Variants in GOLPH3 observed in about 807,000 individuals in gnomAD.
GOLPH3 encodes the protein coat protein GPP34.
In GOLPH3, 14 loss-of-function variants were observed where a neutral mutation model predicts 28.5. The ratio of observed to expected loss-of-function variants is 0.49; its 90% CI spans 0.32 to 0.77. The LOEUF is 0.77. Among genes scored for constraint, GOLPH3 ranks in the 30% least tolerant of loss-of-function variants. The probability of loss-of-function intolerance (pLI) is 0.03; values close to 1 mark genes in which losing one functional copy is unlikely to be tolerated. For missense variants in GOLPH3, 350 were observed against 393.7 expected, an observed-to-expected ratio of 0.89 and a Z score of 0.94; for synonymous variants, 158 against 159.2, an observed-to-expected ratio of 0.99 and a Z score of 0.06.
At chr5:32,151,712 G>GA (rs1554048897) in intron 1 of GOLPH3, among the ~76,000 whole-genome samples, 1 of 152,106 alleles carries the variant, frequency 6.6e-6, no homozygotes, top group Non-Finnish European at 1.5e-5. Flanking sequence ...TACAAACCAT[G>GA]AATTTGGATA....
intron 1 of GOLPH3, among the ~76,000 whole-genome samples, chr5:32,162,124 AT>A (rs983255058): frequency 6.6e-6 from 1 of 151,494 alleles, no homozygotes; most frequent in African/African-American, 2.5e-5. Flanking sequence ...TTTGCCAGGA[AT>A]TACAAAAAGG....
intron 1 of GOLPH3, among the ~76,000 whole-genome samples, chr5:32,155,910 T>C (rs568149232): frequency 2.6e-5 from 3 of 115,826 alleles, no homozygotes; most frequent in South Asian, 3.1e-4. Flanking sequence ...TGAACCAACA[T>C]TGAGCCACTG....
At chr5:32,168,173 T>C (rs1018244268) in intron 1 of GOLPH3, among the ~76,000 whole-genome samples, 5 of 152,240 alleles carry the variant, frequency 3.3e-5, no homozygotes, top group African/African-American at 1.2e-4. Context: ...TCAGCACATC[T>C]GGAAATTCTG....
intron 1 of GOLPH3, among the ~76,000 whole-genome samples, chr5:32,169,952 G>C (rs1746794562): frequency 6.7e-6 from 1 of 149,824 alleles, no homozygotes; most frequent in African/African-American, 2.5e-5. Flanking sequence ...AATCTGAAAT[G>C]TGTAAAGAAA....
chr5:32,170,466 C>T (rs1360594507), intron 1 of GOLPH3, among the ~76,000 whole-genome samples: 1 of 152,162 alleles, frequency 6.6e-6, no homozygotes, highest in Non-Finnish European at 1.5e-5. Flanking sequence ...AGAATCCAGA[C>T]ATTAAAAAGA....
intron 1 of GOLPH3, among the ~76,000 whole-genome samples, chr5:32,168,017 TA>T (rs1746753476): frequency 6.6e-6 from 1 of 152,308 alleles, no homozygotes; most frequent in South Asian, 2.1e-4. Flanking sequence ...AGATCCTGTA[TA>T]TCTCATACCT....
intron 2 of GOLPH3, among the ~76,000 whole-genome samples, chr5:32,138,507 G>C (rs1042094362): frequency 6.6e-6 from 1 of 151,704 alleles, no homozygotes; most frequent in Non-Finnish European, 1.5e-5. Flanking sequence ...TTTAGCATTA[G>C]GTATATCTCC....
At chr5:32,172,648 T>C (rs914820593) in intron 1 of GOLPH3, among the ~76,000 whole-genome samples, 2 of 151,854 alleles carry the variant, frequency 1.3e-5, no homozygotes, top group African/African-American at 4.8e-5. Flanking sequence ...TGAGTGGAGA[T>C]CGCGCCACTG....
At chr5:32,166,018 C>T (rs941368752) in intron 1 of GOLPH3, among the ~76,000 whole-genome samples, 2 of 152,182 alleles carry the variant, frequency 1.3e-5, no homozygotes, top group African/African-American at 4.8e-5. Flanking sequence ...AATTTTTAAC[C>T]TTCCTGATTC....
chr5:32,149,243 C>T (rs1189221162), intron 1 of GOLPH3, among the ~76,000 whole-genome samples: 4 of 152,200 alleles, frequency 2.6e-5, no homozygotes, highest in Admixed American at 1.3e-4. Context: ...CCAAGACATA[C>T]AGAGACAGAG....
At chr5:32,153,830 G>T (rs1395343919) in intron 1 of GOLPH3, among the ~76,000 whole-genome samples, 1 of 152,142 alleles carries the variant, frequency 6.6e-6, no homozygotes, top group Admixed American at 6.6e-5. Flanking sequence ...CCTACAAGCA[G>T]TAACAACTCA....
In GOLPH3 at chr5:32,173,792, A is replaced by C. The variant is rs1746908513; in HGVS notation, c.225+18T>G. ...GGCCCCGCGCCGCCGCCCCCCGCCCAGCCCGCCGCGCCCGCACCTCGCGGT... is the reference window on the plus strand; with the variant it reads ...GGCCCCGCGCCGCCGCCCCCCGCCCCGCCCGCCGCGCCCGCACCTCGCGGT... On this transcript the variant is annotated intron_variant, in intron 1 of 3. Coordinates refer to ENST00000265070, the MANE Select transcript of GOLPH3 (RefSeq NM_022130.4). 1.5e-5 allele frequency: 21 copies of C among 1,359,922 alleles called. No individual in the cohort carries two copies. The highest frequency in any genetic ancestry group is 1.9e-5 in the Non-Finnish European group (20 of 1,059,376). The allele number at this position is 1,359,922 out of a possible 1,614,324, so 84.2% of individuals were successfully genotyped here.
chr5:32,165,376 A>C (rs1286183448), intron 1 of GOLPH3, among the ~76,000 whole-genome samples: 1 of 152,094 alleles, frequency 6.6e-6, no homozygotes, highest in Non-Finnish European at 1.5e-5. Context: ...TGAGGTCATG[A>C]GTTTGAGACC....
intron 2 of GOLPH3, among the ~76,000 whole-genome samples, chr5:32,141,243 C>T (rs1234386351): frequency 6.6e-6 from 1 of 151,618 alleles, no homozygotes; most frequent in Non-Finnish European, 1.5e-5. Context: ...AATCAAGATG[C>T]ATTCCGCTCT....
chr5:32,134,352 T>C lies in GOLPH3; in HGVS notation c.472+1220A>G, dbSNP rs893806985. 2.0e-5 allele frequency among the ~76,000 whole-genome samples: 3 copies of C among 151,950 alleles called. No homozygotes were observed. The South Asian group carries it at 6.3e-4, about 32-fold the overall frequency. On this transcript the variant is annotated intron_variant, in intron 3 of 3. Transcript: ENST00000265070. ...TTCCAAGTAGCTGGGACCACAGGCA[T>C]GTGCCACTATGTCTGGCTAATTCTT...
At chr5:32,146,719 A>C (rs893437819) in intron 1 of GOLPH3, among the ~76,000 whole-genome samples, 1 of 152,244 alleles carries the variant, frequency 6.6e-6, no homozygotes, top group Non-Finnish European at 1.5e-5. Context: ...GATTTTCCTT[A>C]TATGTTATTA....
At position 32,142,541 on chromosome 5, in the gene GOLPH3, C is replaced by G. The variant is rs906491327; in HGVS notation, c.357+1208G>C. The stretch of plus-strand genomic sequence containing the variant: ...GTGAGGGGCGCCTCTGCCCGGCCGC[C>G]CCTACTGGGAAGTGAGGAGCCACTC... On this transcript the variant is annotated intron_variant, in intron 2 of 3. Transcript: ENST00000265070. Among the ~76,000 whole-genome samples, 38 of 145,628 alleles carry G rather than the reference C, an allele frequency of 2.6e-4. No homozygotes were observed. The Middle Eastern group carries it at 0.012, about 46-fold the overall frequency.
At chr5:32,144,058 G>A (rs1746140637) in intron 1 of GOLPH3, among the ~76,000 whole-genome samples, 178 bp from the exon 2 acceptor site, 1 of 152,000 alleles carries the variant, frequency 6.6e-6, no homozygotes, top group African/African-American at 2.4e-5. Context: ...AATTTTCGGG[G>A]GCTTATCTTT....
At chr5:32,135,800 C>A in intron 2 of GOLPH3, 114 bp from the exon 3 acceptor site, 1 of 648,484 alleles carries the variant, frequency 1.5e-6, no homozygotes, top group Non-Finnish European at 2.7e-6. Context: ...AAGCCTCAAG[C>A]TTTCATGTAG....
Sources: gnomAD v4.1 joint callset for allele counts (sites outside exome capture counted in the v4.1 genomes callset) on GRCh38, gnomAD v4.1.1 for gene constraint, MANE v1.5 for transcripts, NCBI Gene and HGNC (gene_info 2026-07-23, HGNC 2026-07-21) for gene names.